ROBO3: variants seen among roughly 807,000 people sequenced by gnomAD.
ROBO3 encodes roundabout guidance receptor 3, also known as roundabout homolog 3.
Under a neutral mutation model 160.5 loss-of-function variants are expected in ROBO3, and 97 were observed. That is an observed-to-expected ratio of 0.60 (90% CI 0.51 to 0.72). ROBO3 has a LOEUF of 0.72. ROBO3 is among the 30% of genes least tolerant of loss of function. The pLI, the probability that ROBO3 is intolerant of heterozygous loss-of-function variation, is 0.00. For synonymous variants in ROBO3, 780 were observed against 746.2 expected, an observed-to-expected ratio of 1.05 and a Z score of -0.74; for missense variants, 1,858 against 1,846.5, an observed-to-expected ratio of 1.01 and a Z score of -0.11.
rs749848571 is a variant in ROBO3 at position 124,878,747 on chromosome 11, G to A, written c.3484G>A (p.Asp1162Asn). Reference sequence around the variant, plus strand: ...AGCCACTCTTACACCCTCACCTCCTGACCCTCCCCAGCCCCCAACTGACAT... The same window carrying A: ...AGCCACTCTTACACCCTCACCTCCTAACCCTCCCCAGCCCCCAACTGACAT... ...STATLTPSPPDPPQPPTDMPH... is the reference protein window; with the variant it reads ...STATLTPSPPNPPQPPTDMPH... The change falls in exon 23 of 28, where the codon GAC becomes AAC. Residue 1162 changes from aspartate (D) to asparagine (N), a missense_variant. Asp to Asn is a conservative substitution (Grantham distance 23, BLOSUM62 1). Coordinates refer to ENST00000397801, the MANE Select transcript of ROBO3 (RefSeq NM_022370.4). This position sits in a 1 kb window ranked among gnomAD's most constrained non-coding sequence, Gnocchi z 4.3. 1 of 1,613,688 alleles carries A rather than the reference G, an allele frequency of 6.2e-7. No individual in the cohort carries two copies. The highest frequency in any genetic ancestry group is 8.5e-7 in the Non-Finnish European group (1 of 1,179,834).
rs1378559736 is a variant in ROBO3, at chr11:124,875,609, A to G, written c.2345A>G (p.Asp782Gly). 2 of 1,611,406 alleles carry G rather than the reference A, an allele frequency of 1.2e-6. No homozygotes were observed. Among genetic ancestry groups the G allele is most frequent in the Non-Finnish European group, 1.7e-6 (2 of 1,178,980 alleles). The change falls in exon 15 of 28, where the codon GAT becomes GGT. Residue 782 changes from aspartate (D) to glycine (G), a missense_variant. Asp to Gly is a moderately conservative substitution (Grantham distance 94). Coordinates refer to ENST00000397801, the MANE Select transcript of ROBO3 (RefSeq NM_022370.4). ...PQGVAVALGG[D>G]GNSSITVSWE... ...GGAGTGGCGGTGGCCTTGGGGGGTG[A>G]TGGCAACAGCAGTATCACTGTGTCC... is the stretch of plus-strand genomic sequence containing the variant.
rs1337002969 is a variant in ROBO3, at chr11:124,873,252, C to T, written c.1537-58C>T. On this transcript the variant is annotated intron_variant, in intron 9 of 27. Transcript: ENST00000397801. The surrounding 1 kb of genome is among the most constrained non-coding windows in gnomAD (Gnocchi z 4.5). Reference sequence around the variant, plus strand: ...CCCATCCTTCTGCTACCCGCCTCCACCCCCTCACTGGATCTTGCTCCACTC... The same window carrying T: ...CCCATCCTTCTGCTACCCGCCTCCATCCCCTCACTGGATCTTGCTCCACTC... 6.6e-7 allele frequency: 1 copy of T among 1,508,054 alleles called. No individual in the cohort carries two copies. Among genetic ancestry groups the T allele is most frequent in the Non-Finnish European group, 9.1e-7 (1 of 1,100,822 alleles). The allele number at this position is 1,508,054 out of a possible 1,614,324, so 93.4% of individuals were successfully genotyped here. A position where few individuals can be genotyped will look rare whatever the true frequency, so the allele number is the denominator to read the frequency against.
rs749349055 is a variant in ROBO3, at chr11:124,871,052, G to T, written c.1072G>T (p.Ala358Ser). The change falls in exon 7 of 28, where the codon GCA becomes TCA. Residue 358 changes from alanine (A) to serine (S), a missense_variant. Physicochemically the swap from Ala to Ser is moderately conservative, Grantham distance 99. Coordinates refer to ENST00000397801, the MANE Select transcript of ROBO3 (RefSeq NM_022370.4). Reference protein sequence around the residue: ...QLVTQPQDQMAAPGESVAFQC... With the variant: ...QLVTQPQDQMSAPGESVAFQC... Reference sequence around the variant, plus strand: ...GGTGACCCAGCCCCAGGACCAGATGGCAGCTCCTGGAGAGAGCGTGGCTTT... The same window carrying T: ...GGTGACCCAGCCCCAGGACCAGATGTCAGCTCCTGGAGAGAGCGTGGCTTT... 2 of 1,610,498 alleles carry T rather than the reference G, an allele frequency of 1.2e-6. No homozygotes were observed. Among genetic ancestry groups the T allele is most frequent in the South Asian group, 2.2e-5 (2 of 90,988 alleles).
Position 124,874,772 on chromosome 11 carries a change from G to A in ROBO3, c.1952-16G>A, listed in dbSNP as rs532299910. The stretch of plus-strand genomic sequence containing the variant: ...GTCCCTGGTGGCCTCTGCTGAATGG[G>A]TTCCTTGGTCAACAGATAGCAGCCC... On this transcript the variant is annotated splice_polypyrimidine_tract_variant and intron_variant, in intron 12 of 27. Transcript: ENST00000397801. 5.0e-6 allele frequency: 8 copies of A among 1,603,216 alleles called. No individual in the cohort carries two copies. In the Admixed American group the frequency reaches 1.0e-4, roughly 20 times the overall value.
At chr11:124,871,981 G>T (rs1946284639) in intron 7 of ROBO3, among the ~76,000 whole-genome samples, 1 of 152,180 alleles carries the variant, frequency 6.6e-6, no homozygotes, top group South Asian at 2.1e-4. Flanking sequence ...TATCTTCCAT[G>T]GATCTATGGA....
rs1350188769 is a variant in ROBO3 at position 124,876,253 on chromosome 11, C to T, written c.2594-22C>T. ...TCCAGGGTTTCGGGCCCCTCCTCCC[C>T]TCACTTCTCTGACCCCCACAGCGTC... On this transcript the variant is annotated intron_variant, in intron 16 of 27. Coordinates refer to ENST00000397801, the MANE Select transcript of ROBO3 (RefSeq NM_022370.4). The surrounding 1 kb of genome is among the most constrained non-coding windows in gnomAD (Gnocchi z 5.3). The T allele has an allele frequency of 2.7e-6, 4 of 1,493,400 alleles. No individual in the cohort carries two copies. Among genetic ancestry groups the T allele is most frequent in the South Asian group, 1.4e-5 (1 of 73,034 alleles). The allele number at this position is 1,493,400 out of a possible 1,614,324, so 92.5% of individuals were successfully genotyped here. A position where few individuals can be genotyped will look rare whatever the true frequency, so the allele number is the denominator to read the frequency against.
Position 124,865,596 on chromosome 11 carries a change from A to C in ROBO3, c.19A>C (p.Lys7Gln), listed in dbSNP as rs773373034. The C allele has an allele frequency of 3.7e-6, 6 of 1,612,392 alleles. No homozygotes were observed. In the Admixed American group the frequency reaches 1.0e-4, roughly 27 times the overall value. ...TCGAGCCATGCTGCGCTACCTGCTGAAAACGCTGCTGCAGATGAACTTGTT... is the reference window on the plus strand; with the variant it reads ...TCGAGCCATGCTGCGCTACCTGCTGCAAACGCTGCTGCAGATGAACTTGTT... MLRYLL[K>Q]TLLQMNLFAD... The change falls in exon 1 of 28, where the codon AAA becomes CAA. Residue 7 changes from lysine to glutamine, a missense_variant. By Grantham distance (53) the Lys-to-Gln change is moderately conservative (BLOSUM62 1). Coordinates refer to ENST00000397801, the MANE Select transcript of ROBO3 (RefSeq NM_022370.4). This position sits in a 1 kb window ranked among gnomAD's most constrained non-coding sequence, Gnocchi z 5.5.
chr11:124,876,439 A>C lies in ROBO3; in HGVS notation c.2758A>C (p.Lys920Gln). Residue 920 changes from lysine (K) to glutamine (Q), a missense_variant, in exon 17 of 28, where the codon AAA (lysine) becomes CAA (glutamine). Transcript: ENST00000397801. The surrounding 1 kb of genome is among the most constrained non-coding windows in gnomAD (Gnocchi z 5.3). ...CCTCTACTGGCGCCGGAAACAGCGC[A>C]AAGAGCTCAGCCACTACACGGGTGA... is the stretch of plus-strand genomic sequence containing the variant. ...AALYWRRKQRKELSHYTASFA... is the reference protein window; with the variant it reads ...AALYWRRKQRQELSHYTASFA... 1 of 1,444,346 alleles carries C rather than the reference A, an allele frequency of 6.9e-7. No homozygotes were observed. The highest frequency in any genetic ancestry group is 9.1e-7 in the Non-Finnish European group (1 of 1,104,692). The allele number at this position is 1,444,346 out of a possible 1,614,324, so 89.5% of individuals were successfully genotyped here.
At chr11:124,877,069 G>T in intron 17 of ROBO3, 92 bp from the exon 18 acceptor site, 1 of 1,412,142 alleles carries the variant, frequency 7.1e-7, no homozygotes, top group Non-Finnish European at 1.0e-6. Flanking sequence ...GTGGAACTGG[G>T]ACCGGGGCCT....
In ROBO3 at chr11:124,879,372, G is replaced by A. The variant is rs374855695; in HGVS notation, c.3685+31G>A. The stretch of plus-strand genomic sequence containing the variant: ...TCTCTACAACCTCCTTTTGCCCCCC[G>A]GCTCCCTCCAGTGCTTGCTTCCCCT... On this transcript the variant is annotated intron_variant, in intron 24 of 27. Transcript: ENST00000397801. The A allele has an allele frequency of 3.7e-5, 59 of 1,605,962 alleles. 1 individual carries two copies. The highest frequency in any genetic ancestry group is 2.9e-4 in the Admixed American group (17 of 59,498).
At chr11:124,881,203 G>C in intron 27 of ROBO3, 36 bp from the exon 28 acceptor site, 5 of 1,597,336 alleles carry the variant, frequency 3.1e-6, no homozygotes, top group Non-Finnish European at 4.3e-6. Flanking sequence ...CCTGGGCCAG[G>C]GTTTTACAAA....
At position 124,875,224 on chromosome 11, in the gene ROBO3, T is replaced by C; in HGVS notation, c.2187T>C (p.Thr729=). The change falls in exon 14 of 28, where the codon ACT becomes ACC. Residue 729 remains threonine, a synonymous_variant. Transcript: ENST00000397801. ...LDLQSPSQQS[T]VLRGLPPGTQ... Reference sequence around the variant, plus strand: ...TACAGTCCCCAAGCCAGCAAAGTACTGTGCTAAGAGGACTCCCTCCAGGGA... The same window carrying C: ...TACAGTCCCCAAGCCAGCAAAGTACCGTGCTAAGAGGACTCCCTCCAGGGA... The C allele has an allele frequency of 6.2e-7, 1 of 1,613,898 alleles. No homozygotes were observed. The highest frequency in any genetic ancestry group is 8.5e-7 in the Non-Finnish European group (1 of 1,179,862).
Position 124,874,817 on chromosome 11 carries a change from C to T in ROBO3, c.1981C>T (p.Pro661Ser), listed in dbSNP as rs1270428626. 6.2e-7 allele frequency: 1 copy of T among 1,605,770 alleles called. No homozygotes were observed. The highest frequency in any genetic ancestry group is 8.5e-7 in the Non-Finnish European group (1 of 1,176,262). Residue 661 changes from proline (P) to serine (S), a missense_variant, in exon 13 of 28, where the codon CCA becomes TCA. Physicochemically the swap from Pro to Ser is moderately conservative, Grantham distance 74. Coordinates refer to ENST00000397801, the MANE Select transcript of ROBO3 (RefSeq NM_022370.4). ...DSSPSRPVED[P>S]WRGQQGLAEV... is the part of the protein sequence containing the mutation. Reference sequence around the variant, plus strand: ...CAGCCCCTCTAGGCCAGTGGAGGACCCATGGAGAGGCCAGCAGGGACTGGC... The same window carrying T: ...CAGCCCCTCTAGGCCAGTGGAGGACTCATGGAGAGGCCAGCAGGGACTGGC...
intron 1 of ROBO3, among the ~76,000 whole-genome samples, chr11:124,867,835 G>A (rs1946221430): frequency 6.6e-6 from 1 of 152,082 alleles, no homozygotes; most frequent in South Asian, 2.1e-4. Flanking sequence ...AGTGGTCCCT[G>A]GTTATTTTAC....
chr11:124,872,923 C>T lies in ROBO3; in HGVS notation c.1370C>T (p.Pro457Leu), dbSNP rs2135329515. 3 of 1,611,620 alleles carry T rather than the reference C, an allele frequency of 1.9e-6. No homozygotes were observed. The highest frequency in any genetic ancestry group is 2.5e-6 in the Non-Finnish European group (3 of 1,179,292). Reference protein sequence around the residue: ...DGLPPVILQGPANQTLVLGSS... With the variant: ...DGLPPVILQGLANQTLVLGSS... Reference sequence around the variant, plus strand: ...CTGCCTCCTGTCATCCTCCAGGGACCAGCCAATCAGACGCTGGTGCTTGGC... The same window carrying T: ...CTGCCTCCTGTCATCCTCCAGGGACTAGCCAATCAGACGCTGGTGCTTGGC... The change falls in exon 9 of 28, where the codon CCA becomes CTA. Residue 457 changes from proline to leucine, a missense_variant. Pro to Leu is a moderately conservative substitution (Grantham distance 98). Transcript: ENST00000397801. The surrounding 1 kb of genome is among the most constrained non-coding windows in gnomAD (Gnocchi z 4.3).
chr11:124,877,042 A>G (rs1341181794), intron 17 of ROBO3, 119 bp from the exon 18 acceptor site: 6 of 1,114,306 alleles, frequency 5.4e-6, no homozygotes, highest in South Asian at 1.2e-5. Flanking sequence ...AAATGGGTCC[A>G]GGGTGCAGCC....
In ROBO3 at chr11:124,870,593, T is replaced by TGGAGC; in HGVS notation, c.906-7_906-3dup. 6.2e-7 allele frequency: 1 copy of TGGAGC among 1,612,708 alleles called. No individual in the cohort carries two copies. Among genetic ancestry groups the TGGAGC allele is most frequent in the South Asian group, 1.1e-5 (1 of 90,894 alleles). On this transcript the variant is annotated splice_region_variant and splice_polypyrimidine_tract_variant and intron_variant, in intron 5 of 27. Coordinates refer to ENST00000397801, the MANE Select transcript of ROBO3 (RefSeq NM_022370.4). ...GGCCAACCCAGCCTGGGGTGGGGAG[T>TGGAGC]GGAGCAGGTATGAGATCCGGAGTGA...
chr11:124,870,832 A>G, intron 6 of ROBO3, 104 bp downstream of exon 6: 1 of 1,543,970 alleles, frequency 6.5e-7, no homozygotes, highest in East Asian at 2.3e-5. Flanking sequence ...GGGCATGTGG[A>G]TGGAACACCT....
rs1484048595 is a variant in ROBO3 at position 124,877,966 on chromosome 11, ACGGCCAGGGGCACGGCCGCCC to A, written c.3018_3038del (p.Ala1007_Pro1013del). The A allele has an allele frequency of 6.2e-7, 1 of 1,609,338 alleles. No individual in the cohort carries two copies. The highest frequency in any genetic ancestry group is 2.2e-5 in the East Asian group (1 of 44,770). On this transcript the variant is annotated inframe_deletion, in exon 21 of 28. Coordinates refer to ENST00000397801, the MANE Select transcript of ROBO3 (RefSeq NM_022370.4). Reference sequence around the variant, plus strand: ...GGGAATCTCCCTGTATCTAGCTCAGACGGCCAGGGGCACGGCCGCCCCTGGCGAGGGTCCTGTCTATAGCAC... The same window carrying A: ...GGGAATCTCCCTGTATCTAGCTCAGACTGGCGAGGGTCCTGTCTATAGCAC...
Sources: allele counts gnomAD v4.1 joint callset (sites outside exome capture counted in the v4.1 genomes callset), GRCh38; gene constraint gnomAD v4.1.1; non-coding constraint Gnocchi (gnomAD v3.1); transcripts MANE v1.5; gene names NCBI Gene and HGNC (gene_info 2026-07-23, HGNC 2026-07-21).